Variants in LINGO2 observed in about 807,000 individuals in gnomAD.
LINGO2 encodes leucine rich repeat and Ig domain containing 2, also known as leucine-rich repeat and immunoglobulin-like domain-containing nogo receptor-interacting protein 2.
LINGO2 carries 14 observed loss-of-function variants against 30.6 expected under a neutral mutation model. That is an observed-to-expected ratio of 0.46 (90% CI 0.30 to 0.72). The LOEUF (loss-of-function observed/expected upper bound fraction) is 0.72. Among genes scored for constraint, LINGO2 ranks in the 30% least tolerant of loss-of-function variants. The pLI is 0.07. For synonymous variants in LINGO2, 317 were observed against 288.5 expected, an observed-to-expected ratio of 1.10 and a Z score of -1.00; for missense variants, 729 against 751.7, an observed-to-expected ratio of 0.97 and a Z score of 0.35.
chr9:28,812,405 C>T, the LINGO2 span, among the ~76,000 whole-genome samples: 10 of 151,914 alleles, frequency 6.6e-5, no homozygotes, highest in East Asian at 3.9e-4. Flanking sequence ...TTTCATGATG[C>T]GCAATTATTT....
the LINGO2 span, among the ~76,000 whole-genome samples, chr9:28,784,418 T>C: frequency 6.6e-6 from 1 of 152,200 alleles, no homozygotes; most frequent in Admixed American, 6.5e-5. Flanking sequence ...GTTCAGCTGC[T>C]TACTAGCTGT....
chr9:28,696,319 G>C, the LINGO2 span, among the ~76,000 whole-genome samples: 1 of 152,010 alleles, frequency 6.6e-6, no homozygotes, highest in Admixed American at 6.6e-5. Context: ...TGTAGCACGA[G>C]AATGACTGCT....
intron 1 of LINGO2, among the ~76,000 whole-genome samples, chr9:28,480,999 A>G (rs1030721563): frequency 3.3e-5 from 5 of 152,120 alleles, no homozygotes; most frequent in African/African-American, 1.2e-4. Flanking sequence ...TCACCAGATT[A>G]AATTCTCCAA....
intron 2 of LINGO2, among the ~76,000 whole-genome samples, chr9:28,452,841 G>A (rs910416327): frequency 2.0e-5 from 3 of 151,846 alleles, no homozygotes; most frequent in Admixed American, 1.3e-4. Flanking sequence ...AAAGTGAAAT[G>A]TACTGAGTTG....
At chr9:28,936,685 T>G in the LINGO2 span, among the ~76,000 whole-genome samples, 1 of 152,196 alleles carries the variant, frequency 6.6e-6, no homozygotes, top group Non-Finnish European at 1.5e-5. Context: ...AGGGTATTAA[T>G]GAAATAATGT....
At chr9:29,155,291 T>C in the LINGO2 span, among the ~76,000 whole-genome samples, 6 of 152,054 alleles carry the variant, frequency 3.9e-5, no homozygotes, top group African/African-American at 1.4e-4. Flanking sequence ...AAATTTAAAA[T>C]CTCCAGAACA....
chr9:28,150,398 A>T lies in LINGO2; in HGVS notation c.-86-137993T>A, dbSNP rs150143287. On this transcript the variant is annotated intron_variant, in intron 4 of 5. Transcript: ENST00000379992. ...AAGGAGATTGAGATCATTCTGGCCAACATGGTGAAACTCCGTCTCTACTGA... is the reference window on the plus strand; with the variant it reads ...AAGGAGATTGAGATCATTCTGGCCATCATGGTGAAACTCCGTCTCTACTGA... Among the ~76,000 whole-genome samples, 39 of 152,296 alleles carry T rather than the reference A, an allele frequency of 2.6e-4. 2 individuals are homozygous for T. The East Asian group carries it at 3.9e-3, about 15-fold the overall frequency.
intron 1 of LINGO2, among the ~76,000 whole-genome samples, chr9:28,477,613 T>C (rs1271868814): frequency 2.0e-5 from 3 of 152,166 alleles, no homozygotes; most frequent in Admixed American, 6.5e-5. Context: ...CATGTGATTT[T>C]ACAGGCTAAT....
intron 4 of LINGO2, among the ~76,000 whole-genome samples, chr9:28,103,557 C>A (rs1241760311): frequency 1.3e-5 from 2 of 152,154 alleles, no homozygotes; most frequent in Non-Finnish European, 2.9e-5. Context: ...TAGCCAACAG[C>A]CAGCAGTCCC....
At chr9:28,891,033 C>T in the LINGO2 span, among the ~76,000 whole-genome samples, 2 of 152,010 alleles carry the variant, frequency 1.3e-5, no homozygotes, top group South Asian at 4.1e-4. Flanking sequence ...TTTGCATTAA[C>T]ATTTTACCTA....
the LINGO2 span, among the ~76,000 whole-genome samples, chr9:28,818,776 T>C: frequency 5.3e-3 from 800 of 152,242 alleles, 8 homozygotes; most frequent in African/African-American, 0.019. Context: ...CTTAAGGAGA[T>C]AAACTTTCTA....
intron 4 of LINGO2, among the ~76,000 whole-genome samples, chr9:28,067,722 G>C (rs1000082611): frequency 6.6e-6 from 1 of 152,116 alleles, no homozygotes; most frequent in Admixed American, 6.6e-5. Context: ...CACAACCCAT[G>C]AGTCTTTAAG....
the LINGO2 span, among the ~76,000 whole-genome samples, chr9:29,102,606 T>C: frequency 6.6e-6 from 1 of 152,156 alleles, no homozygotes; most frequent in African/African-American, 2.4e-5. Flanking sequence ...GGATTTGTGT[T>C]TTTATCTTAA....
At chr9:28,743,724 C>T in the LINGO2 span, among the ~76,000 whole-genome samples, 1 of 151,568 alleles carries the variant, frequency 6.6e-6, no homozygotes, top group East Asian at 1.9e-4. Context: ...TTTGTTTTCT[C>T]TTGCTGCTTT....
intron 1 of LINGO2, among the ~76,000 whole-genome samples, chr9:28,479,875 G>GTGTA (rs139557373): frequency 0.16 from 19,218 of 118,238 alleles, 1,986 homozygotes; most frequent in South Asian, 0.26. Flanking sequence ...GTGTGTGTGT[G>GTGTA]TGTGTGTGTA....
At chr9:28,359,248 A>G (rs1820351132) in intron 3 of LINGO2, among the ~76,000 whole-genome samples, 1 of 152,130 alleles carries the variant, frequency 6.6e-6, no homozygotes, top group African/African-American at 2.4e-5. Flanking sequence ...GCTAGTCACA[A>G]CTGCTTCATT....
intron 3 of LINGO2, among the ~76,000 whole-genome samples, chr9:28,320,280 T>C (rs765886738): frequency 2.0e-5 from 3 of 152,164 alleles, no homozygotes; most frequent in Non-Finnish European, 4.4e-5. Context: ...GTAGAATTCA[T>C]GTCTCTAAGC....
intron 4 of LINGO2, among the ~76,000 whole-genome samples, chr9:28,053,806 G>T (rs1327478321): frequency 6.6e-6 from 1 of 152,086 alleles, no homozygotes; most frequent in Non-Finnish European, 1.5e-5. Flanking sequence ...TCTATTCTCA[G>T]AAATGATTAC....
the LINGO2 span, among the ~76,000 whole-genome samples, chr9:28,806,111 T>C: frequency 1.3e-5 from 2 of 152,070 alleles, no homozygotes; most frequent in African/African-American, 2.4e-5. Flanking sequence ...GGTGAAGACA[T>C]GACCAGAATG....
Sources: gnomAD v4.1 joint callset for allele counts (sites outside exome capture counted in the v4.1 genomes callset) on GRCh38, gnomAD v4.1.1 for gene constraint, MANE v1.5 for transcripts, NCBI Gene and HGNC (gene_info 2026-07-23, HGNC 2026-07-21) for gene names.